ZNF106: variants seen among roughly 807,000 people sequenced by gnomAD.
The protein encoded by ZNF106 is SH3-domain binding protein 3.
ZNF106 carries 67 observed loss-of-function variants against 195.1 expected under a neutral mutation model. That is an observed-to-expected ratio of 0.34 (90% CI 0.28 to 0.42). The LOEUF is 0.42. Ranked by LOEUF, ZNF106 falls within the 10% of genes least tolerant of loss-of-function variation. The pLI is 1.00. For missense variants in ZNF106, 2,118 were observed against 2,304.5 expected (o/e 0.92, Z 1.66); for synonymous variants, 784 against 818.6 (o/e 0.96, Z 0.72).
rs1188357386 is a variant in ZNF106 at position 42,450,106 on chromosome 15, CAAGCTA to C, written c.2160_2165del (p.Ser721_Leu722del). 5 of 1,614,188 alleles carry C rather than the reference CAAGCTA, an allele frequency of 3.1e-6. No individual in the cohort carries two copies. In the East Asian group the frequency reaches 1.1e-4, roughly 36 times the overall value. On this transcript the variant is annotated inframe_deletion, in exon 5 of 22. Coordinates refer to ENST00000564754, the MANE Select transcript of ZNF106 (RefSeq NM_001366845.3). ...TGTCACTTTTTTGAAGCTCTGCATC[CAAGCTA>C]GCACTCTCAAAGCCTTCTGTTTCAT...
At chr15:42,471,981 A>G (rs2056679582) in intron 2 of ZNF106, among the ~76,000 whole-genome samples, 1 of 152,212 alleles carries the variant, frequency 6.6e-6, no homozygotes. Context: ...TTTCTGTGTC[A>G]TCTAGTTTTG....
At chr15:42,440,770 G>A (rs1451216886) in intron 10 of ZNF106, among the ~76,000 whole-genome samples, 1 of 150,580 alleles carries the variant, frequency 6.6e-6, no homozygotes, top group Non-Finnish European at 1.5e-5. Flanking sequence ...ATCACTTGAG[G>A]TCAGGAGTTC....
chr15:42,417,198 T>C lies in ZNF106; in HGVS notation c.*106A>G. The C allele has an allele frequency of 2.3e-6, 3 of 1,290,974 alleles. No individual in the cohort carries two copies. Among genetic ancestry groups the C allele is most frequent in the Non-Finnish European group, 3.3e-6 (3 of 906,172 alleles). 80.0% of individuals were successfully genotyped at this position (1,290,974 alleles called of 1,614,324 possible). ...AGGGGTATGCCTGGCTAGTAACCAC[T>C]TTCTCCTTCCTTACTTCACCAAGAA... On this transcript the variant is annotated 3_prime_UTR_variant, in exon 22 of 22. Transcript: ENST00000564754.
At chr15:42,471,100 A>G (rs1420405272) in intron 2 of ZNF106, among the ~76,000 whole-genome samples, 1 of 152,230 alleles carries the variant, frequency 6.6e-6, no homozygotes, top group East Asian at 1.9e-4. Flanking sequence ...TGTTTTAATC[A>G]GATGAGCCTT....
intron 13 of ZNF106, among the ~76,000 whole-genome samples, chr15:42,435,835 C>G (rs1244475529): frequency 2.0e-5 from 3 of 152,150 alleles, no homozygotes; most frequent in African/African-American, 7.2e-5. Flanking sequence ...AAGGACCTAG[C>G]AAATCCAAAC....
intron 2 of ZNF106, among the ~76,000 whole-genome samples, chr15:42,470,752 C>T (rs1035233892): frequency 3.3e-5 from 5 of 152,114 alleles, no homozygotes; most frequent in African/African-American, 1.2e-4. Flanking sequence ...TGAACAGCAG[C>T]CTTTCCATCT....
Position 42,451,504 on chromosome 15 carries a change from A to C in ZNF106, c.768T>G (p.Asn256Lys). The C allele has an allele frequency of 2.5e-6, 4 of 1,614,214 alleles. No homozygotes were observed. The highest frequency in any genetic ancestry group is 3.4e-6 in the Non-Finnish European group (4 of 1,180,036). ...GNWKSSVRST[N>K]NWNYSGPGDK... ...CTCCAGGGCCACTGTAATTCCAATT[A>C]TTTGTACTACGTACACTGGATTTCC... is the stretch of plus-strand genomic sequence containing the variant. Residue 256 changes from asparagine to lysine, a missense_variant, in exon 5 of 22, where the codon AAT becomes AAG. Coordinates refer to ENST00000564754, the MANE Select transcript of ZNF106 (RefSeq NM_001366845.3).
intron 15 of ZNF106, 112 bp downstream of exon 15, chr15:42,427,906 T>C (rs989671654): frequency 3.7e-6 from 3 of 815,520 alleles, no homozygotes; most frequent in Non-Finnish European, 6.1e-6. Flanking sequence ...CTAATTCTGC[T>C]GCTTCCTCAC....
In ZNF106 at chr15:42,448,200, G is replaced by C; in HGVS notation, c.3007C>G (p.Leu1003Val). The change falls in exon 6 of 22, where the codon CTG becomes GTG. Residue 1003 changes from leucine (L) to valine (V), a missense_variant. Transcript: ENST00000564754. The part of the protein sequence containing the change: ...SQESNGEGNC[L>V]SSSASSALAI... ...AGGGCTGAGGATGCGCTTGATGACA[G>C]ACAGTTTCCCTCTCCATTACTCTCC... is the stretch of plus-strand genomic sequence containing the variant. 4 of 1,614,186 alleles carry C rather than the reference G, an allele frequency of 2.5e-6. No individual in the cohort carries two copies. The highest frequency in any genetic ancestry group is 3.4e-6 in the Non-Finnish European group (4 of 1,180,028).
chr15:42,440,497 T>C (rs918326708), intron 10 of ZNF106, among the ~76,000 whole-genome samples: 1 of 152,166 alleles, frequency 6.6e-6, no homozygotes, highest in Non-Finnish European at 1.5e-5. Context: ...AAAATCATTA[T>C]ATATTAAATG....
chr15:42,462,290 T>C (rs2141393312), intron 3 of ZNF106, among the ~76,000 whole-genome samples: 1 of 152,144 alleles, frequency 6.6e-6, no homozygotes, highest in South Asian at 2.1e-4. Flanking sequence ...CAAAACAAAA[T>C]GTGTATCTAT....
rs772194245 is a variant in ZNF106 at position 42,451,889 on chromosome 15, C to T, written c.383G>A (p.Arg128Gln). ...GTCTTGGTAAGGAATTCGGTCTTCTCGTCTCCATTGGGGTCGTCTGTCATC... is the reference window on the plus strand; with the variant it reads ...GTCTTGGTAAGGAATTCGGTCTTCTTGTCTCCATTGGGGTCGTCTGTCATC... The part of the protein sequence containing the change: ...NSDDRRPQWR[R>Q]EDRIPYQDRE... Residue 128 changes from arginine to glutamine, a missense_variant, in exon 5 of 22, where the codon CGA becomes CAA. Coordinates refer to ENST00000564754, the MANE Select transcript of ZNF106 (RefSeq NM_001366845.3). The T allele has an allele frequency of 3.9e-5, 63 of 1,614,166 alleles. No homozygotes were observed. The highest frequency in any genetic ancestry group is 4.0e-5 in the Non-Finnish European group (47 of 1,180,030).
At chr15:42,432,707 T>TAA (rs36106729) in intron 14 of ZNF106, among the ~76,000 whole-genome samples, 17 of 123,996 alleles carry the variant, frequency 1.4e-4, no homozygotes, top group Middle Eastern at 4.2e-3. Context: ...ACCGTATTTC[T>TAA]AAAAAAAAAA....
chr15:42,434,568 T>A (rs2141298925), intron 14 of ZNF106, among the ~76,000 whole-genome samples: 1 of 152,330 alleles, frequency 6.6e-6, no homozygotes, highest in Non-Finnish European at 1.5e-5. Flanking sequence ...TTATCACATA[T>A]ATTCCACCTA....
At chr15:42,481,193 C>T (rs2056891358) in intron 1 of ZNF106, among the ~76,000 whole-genome samples, 2 of 152,058 alleles carry the variant, frequency 1.3e-5, no homozygotes, top group Non-Finnish European at 2.9e-5. Context: ...CAGATATTTA[C>T]AAGTTCTAAC....
At position 42,449,763 on chromosome 15, in the gene ZNF106, G is replaced by C. The variant is rs1303742171; in HGVS notation, c.2501+8C>G. On this transcript the variant is annotated splice_region_variant and intron_variant, in intron 5 of 21. Coordinates refer to ENST00000564754, the MANE Select transcript of ZNF106 (RefSeq NM_001366845.3). ...AGGAAAAAAAAGACACCGAAAAGCA[G>C]CACACACCTGGGTAAGCCTTTGCCC... 6.2e-7 allele frequency: 1 copy of C among 1,603,426 alleles called. No homozygotes were observed. The highest frequency in any genetic ancestry group is 1.7e-5 in the Admixed American group (1 of 58,616).
chr15:42,414,208 G>C lies in ZNF106; in HGVS notation c.*3096C>G, dbSNP rs2054363608. On this transcript the variant is annotated 3_prime_UTR_variant, in exon 22 of 22. Transcript: ENST00000564754. ...CCTGAGCCATAGCTCTTCTCTGAGGGGAAACAGGGTTATAATCAGTCACAA... is the reference window on the plus strand; with the variant it reads ...CCTGAGCCATAGCTCTTCTCTGAGGCGAAACAGGGTTATAATCAGTCACAA... The C allele has an allele frequency of 6.6e-6, 1 of 152,078 alleles. No individual in the cohort carries two copies. Among genetic ancestry groups the C allele is most frequent in the African/African-American group, 2.4e-5 (1 of 41,392 alleles). The allele number at this position is 152,078 out of a possible 1,614,324, so 9.4% of individuals were successfully genotyped here.
In ZNF106 at chr15:42,414,631, AC is replaced by A. The variant is rs907914410; in HGVS notation, c.*2672del. 1 of 152,288 alleles carries A rather than the reference AC, an allele frequency of 6.6e-6. No individual in the cohort carries two copies. The highest frequency in any genetic ancestry group is 2.4e-5 in the African/African-American group (1 of 41,452). 9.4% of individuals were successfully genotyped at this position (152,288 alleles called of 1,614,324 possible). On this transcript the variant is annotated 3_prime_UTR_variant, in exon 22 of 22. Transcript: ENST00000564754. ...CTCTGTAATACTCTCAGAAGTTCCCACAACTGCCCAACACCTCACCTACCCG... is the reference window on the plus strand; with the variant it reads ...CTCTGTAATACTCTCAGAAGTTCCCAAACTGCCCAACACCTCACCTACCCG...
chr15:42,440,856 G>A (rs549948398), intron 10 of ZNF106, among the ~76,000 whole-genome samples: 2 of 146,804 alleles, frequency 1.4e-5, no homozygotes, highest in East Asian at 2.0e-4. Flanking sequence ...GGTGGTGGGC[G>A]CCTGTAATCC....
Sources: allele counts gnomAD v4.1 joint callset (sites outside exome capture counted in the v4.1 genomes callset), GRCh38; gene constraint gnomAD v4.1.1; transcripts MANE v1.5; gene names NCBI Gene and HGNC (gene_info 2026-07-23, HGNC 2026-07-21).